Variants in BTN2A1 observed in about 807,000 individuals in gnomAD.
The protein encoded by BTN2A1 is butyrophilin, subfamily 2, member A1.
BTN2A1 carries 41 observed loss-of-function variants against 34.5 expected under a neutral mutation model. That is an observed-to-expected ratio of 1.19 (90% CI 0.93 to 1.54). The LOEUF is 1.54. Among genes scored for constraint, BTN2A1 ranks in the 40% most tolerant of loss-of-function variants. The pLI is 0.00. For missense variants in BTN2A1, 642 were observed against 662.0 expected (o/e 0.97, Z 0.33); for synonymous variants, 267 against 258.6 (o/e 1.03, Z -0.31).
In BTN2A1 at chr6:26,468,673, C is replaced by T. The variant is rs1763390028; in HGVS notation, c.*124C>T. The T allele has an allele frequency of 6.2e-7, 1 of 1,613,534 alleles. No homozygotes were observed. The highest frequency in any genetic ancestry group is 1.3e-5 in the African/African-American group (1 of 75,044). Reference sequence around the variant, plus strand: ...GGTCACACAAGAGAACATCTTCCAGCTGCCTCTTTCACACCCACTACAGAC... The same window carrying T: ...GGTCACACAAGAGAACATCTTCCAGTTGCCTCTTTCACACCCACTACAGAC... On this transcript the variant is annotated 3_prime_UTR_variant, in exon 8 of 8. Coordinates refer to ENST00000312541, the MANE Select transcript of BTN2A1 (RefSeq NM_007049.5).
intron 7 of BTN2A1, among the ~76,000 whole-genome samples, chr6:26,475,734 T>A (rs1479168799): frequency 2.6e-5 from 4 of 151,956 alleles, no homozygotes; most frequent in African/African-American, 7.3e-5. Context: ...ATAGTGAGAC[T>A]TCATCTCTAA....
chr6:26,463,417 A>C lies in BTN2A1; in HGVS notation c.604A>C (p.Met202Leu). 6.2e-7 allele frequency: 1 copy of C among 1,614,140 alleles called. No homozygotes were observed. The highest frequency in any genetic ancestry group is 8.5e-7 in the Non-Finnish European group (1 of 1,180,010). The change falls in exon 4 of 8, where the codon ATG becomes CTG. Residue 202 changes from methionine (M) to leucine (L), a missense_variant. Met to Leu is a conservative substitution (Grantham distance 15, BLOSUM62 2). Transcript: ENST00000312541. ...VSMPDADGLF[M>L]VTTAVIIRDK... The stretch of plus-strand genomic sequence containing the variant: ...CATGCCTGATGCAGACGGCCTCTTC[A>C]TGGTCACCACGGCTGTGATCATCAG...
rs1763228821 is a variant in BTN2A1 at position 26,463,488 on chromosome 6, G to GCT, written c.677_678dup (p.Gly227SerfsTer33). The stretch of plus-strand genomic sequence containing the variant: ...TGTCCTGCTCTATCAACAACACCCT[G>GCT]CTCGGCCAGAAGAAAGAAAGTGTCA... On this transcript the variant is annotated frameshift_variant, in exon 4 of 8. Coordinates refer to ENST00000312541, the MANE Select transcript of BTN2A1 (RefSeq NM_007049.5). LOFTEE classifies it high-confidence loss of function. The GCT allele has an allele frequency of 6.2e-7, 1 of 1,613,904 alleles. No individual in the cohort carries two copies. Among genetic ancestry groups the GCT allele is most frequent in the African/African-American group, 1.3e-5 (1 of 74,900 alleles).
chr6:26,476,073 T>C (rs1763532849), intron 7 of BTN2A1: 2 of 1,446,740 alleles, frequency 1.4e-6, no homozygotes, highest in South Asian at 1.2e-5. Context: ...CTCATTTATA[T>C]GCAACCCATG....
rs776326806 is a variant in BTN2A1 at position 26,459,772 on chromosome 6, G to T, written c.374G>T (p.Cys125Phe). Residue 125 changes from cysteine to phenylalanine, a missense_variant, in exon 3 of 8, where the codon TGT becomes TTT. Cys to Phe is a radical substitution (Grantham distance 205). Coordinates refer to ENST00000312541, the MANE Select transcript of BTN2A1 (RefSeq NM_007049.5). ...ITAQENGTYR[C>F]YFQEGRSYDE... ...GCCCAGGAAAACGGCACCTACCGCT[G>T]TTACTTCCAAGAAGGCAGGTCCTAC... is the stretch of plus-strand genomic sequence containing the variant. The T allele has an allele frequency of 1.8e-5, 29 of 1,614,038 alleles. No homozygotes were observed. Among genetic ancestry groups the T allele is most frequent in the Non-Finnish European group, 2.5e-5 (29 of 1,180,016 alleles).
intron 1 of BTN2A1, 129 bp downstream of exon 1, chr6:26,458,271 C>T (rs1763060970): frequency 4.3e-6 from 1 of 231,030 alleles, no homozygotes; most frequent in Non-Finnish European, 8.6e-6. Context: ...CGCGGCCTCG[C>T]CTGTCTTTGC....
chr6:26,474,400 T>G (rs1397206852), downstream of BTN2A1, among the ~76,000 whole-genome samples: 1 of 152,244 alleles, frequency 6.6e-6, no homozygotes, highest in Non-Finnish European at 1.5e-5. Context: ...TCTGATGGTT[T>G]GCAAATTGTT....
In BTN2A1 at chr6:26,459,656, G is replaced by T. The variant is rs921551178; in HGVS notation, c.258G>T (p.Glu86Asp). 8 of 1,614,040 alleles carry T rather than the reference G, an allele frequency of 5.0e-6. No homozygotes were observed. In the Admixed American group the frequency reaches 6.7e-5, roughly 13 times the overall value. The change falls in exon 3 of 8, where the codon GAG becomes GAT. Residue 86 changes from glutamate to aspartate, a missense_variant. Transcript: ENST00000312541. ...ATAAAGGTGGCAGAGAGAGAACAGA[G>T]GAGCAGATGGAGGAGTACCGAGGAA... ...FVYKGGRERTEEQMEEYRGRT... is the reference protein window; with the variant it reads ...FVYKGGRERTDEQMEEYRGRT...
chr6:26,459,942 C>CCCCAGGGAGATTCCACAGGGA, intron 3 of BTN2A1, 114 bp downstream of exon 3: 2 of 961,414 alleles, frequency 2.1e-6, no homozygotes, highest in Non-Finnish European at 3.0e-6. Flanking sequence ...ACTCCCTTTT[C>CCCCAGGGAGATTCCACAGGGA]CACTCTCCCT....
rs762877885 is a variant in BTN2A1, at chr6:26,468,548, A to G, written c.1583A>G (p.Ter528TrpextTer10). ...LHRVGTHQSL* is the reference protein window; with the variant it reads ...LHRVGTHQSLW ...AGAGTGGGGACCCACCAGAGCCTAT[A>G]GAATCAATTCCTTGGTCTCACAGCC... The change falls in exon 8 of 8, where the codon TAG becomes TGG. Residue 528 changes from the stop codon to tryptophan, a stop_lost. Coordinates refer to ENST00000312541, the MANE Select transcript of BTN2A1 (RefSeq NM_007049.5). 26 of 1,614,184 alleles carry G rather than the reference A, an allele frequency of 1.6e-5. No individual in the cohort carries two copies. The highest frequency in any genetic ancestry group is 2.0e-5 in the Non-Finnish European group (24 of 1,180,038).
chr6:26,462,620 T>C (rs1026210119), intron 3 of BTN2A1, among the ~76,000 whole-genome samples: 3 of 152,180 alleles, frequency 2.0e-5, no homozygotes, highest in Non-Finnish European at 4.4e-5. Flanking sequence ...GGATTAGAGT[T>C]GGATTTGCAG....
At chr6:26,460,084 A>G (rs1472402518) in intron 3 of BTN2A1, among the ~76,000 whole-genome samples, 1 of 152,122 alleles carries the variant, frequency 6.6e-6, no homozygotes, top group Admixed American at 6.5e-5. Context: ...TGAGCAGGGG[A>G]AAATGGTCAG....
In BTN2A1 at chr6:26,459,553, A is replaced by G. The variant is rs1239558513; in HGVS notation, c.155A>G (p.His52Arg). The G allele has an allele frequency of 1.2e-6, 2 of 1,614,018 alleles. No homozygotes were observed. The highest frequency in any genetic ancestry group is 1.7e-6 in the Non-Finnish European group (2 of 1,179,972). The change falls in exon 3 of 8, where the codon CAT becomes CGT. Residue 52 changes from histidine to arginine, a missense_variant. By Grantham distance (29) the His-to-Arg change is conservative. Coordinates refer to ENST00000312541, the MANE Select transcript of BTN2A1 (RefSeq NM_007049.5). ...TVGENTTLRC[H>R]LSPEKNAEDM... ...GGAGAAAACACTACGTTACGCTGCCATCTGTCACCCGAGAAAAATGCTGAG... is the reference window on the plus strand; with the variant it reads ...GGAGAAAACACTACGTTACGCTGCCGTCTGTCACCCGAGAAAAATGCTGAG...
At position 26,463,314 on chromosome 6, in the gene BTN2A1, T is replaced by TA; in HGVS notation, c.502dup (p.Arg168LysfsTer29). ...GGGGCATCCGGCTGGAGTGCATATC[T>TA]AGAGGGTGGTACCCAAAGCCCCTCA... On this transcript the variant is annotated frameshift_variant, in exon 4 of 8. Transcript: ENST00000312541. LOFTEE classifies it high-confidence loss of function. 6.2e-7 allele frequency: 1 copy of TA among 1,613,920 alleles called. No individual in the cohort carries two copies. Among genetic ancestry groups the TA allele is most frequent in the Non-Finnish European group, 8.5e-7 (1 of 1,179,958 alleles).
At chr6:26,476,182 G>A in exon 8 of BTN2A1, 1 of 1,536,020 alleles carries the variant, frequency 6.5e-7, no homozygotes, top group Non-Finnish European at 8.7e-7. Flanking sequence ...GGTGCTGATG[G>A]CAGCCTGGTT....
chr6:26,468,204 C>T lies in BTN2A1; in HGVS notation c.1239C>T (p.Val413=). Residue 413 remains valine (V), a synonymous_variant, in exon 8 of 8, where the codon GTC becomes GTT. Transcript: ENST00000312541. The stretch of plus-strand genomic sequence containing the variant: ...ACAGTGTTGAGAGGAAAGGGGAGGT[C>T]CTGCTGATTCCTCAGAATGGCTTCT... The part of the protein sequence containing the change: ...CRDSVERKGE[V]LLIPQNGFWT... 1 of 1,614,118 alleles carries T rather than the reference C, an allele frequency of 6.2e-7. No individual in the cohort carries two copies. Among genetic ancestry groups the T allele is most frequent in the South Asian group, 1.1e-5 (1 of 91,074 alleles).
intron 4 of BTN2A1, 146 bp from the exon 5 acceptor site, chr6:26,465,039 C>T: frequency 1.4e-6 from 1 of 692,438 alleles, no homozygotes; most frequent in Non-Finnish European, 2.4e-6. Flanking sequence ...CAGGTGTGAG[C>T]CAGCATCACT....
chr6:26,468,677 C>T lies in BTN2A1; in HGVS notation c.*128C>T, dbSNP rs1443642439. The T allele has an allele frequency of 1.2e-6, 2 of 1,613,368 alleles. No individual in the cohort carries two copies. Among genetic ancestry groups the T allele is most frequent in the South Asian group, 1.1e-5 (1 of 90,426 alleles). On this transcript the variant is annotated 3_prime_UTR_variant, in exon 8 of 8. Transcript: ENST00000312541. ...ACACAAGAGAACATCTTCCAGCTGC[C>T]TCTTTCACACCCACTACAGACCTCA...
rs778802873 is a variant in BTN2A1 at position 26,459,630 on chromosome 6, T to C, written c.232T>C (p.Tyr78His). 6.2e-7 allele frequency: 1 copy of C among 1,613,918 alleles called. No individual in the cohort carries two copies. The highest frequency in any genetic ancestry group is 1.1e-5 in the South Asian group (1 of 91,060). ...TCAGTTCTCCCCCGCAGTGTTTGTGTATAAAGGTGGCAGAGAGAGAACAGA... is the reference window on the plus strand; with the variant it reads ...TCAGTTCTCCCCCGCAGTGTTTGTGCATAAAGGTGGCAGAGAGAGAACAGA... ...RSQFSPAVFVYKGGRERTEEQ... is the reference protein window; with the variant it reads ...RSQFSPAVFVHKGGRERTEEQ... Residue 78 changes from tyrosine (Y) to histidine (H), a missense_variant, in exon 3 of 8, where the codon TAT becomes CAT. Tyr to His is a moderately conservative substitution (Grantham distance 83). Transcript: ENST00000312541.
Sources: allele counts gnomAD v4.1 joint callset (sites outside exome capture counted in the v4.1 genomes callset), GRCh38; gene constraint gnomAD v4.1.1; transcripts MANE v1.5; gene names NCBI Gene and HGNC (gene_info 2026-07-23, HGNC 2026-07-21).